PTPRM: variants seen among roughly 807,000 people sequenced by gnomAD.
The protein encoded by PTPRM is receptor-type tyrosine-protein phosphatase mu.
A neutral mutation model predicts 186.7 loss-of-function variants in PTPRM; 47 were observed. The ratio of observed to expected loss-of-function variants is 0.25; its 90% confidence interval spans 0.20 to 0.32. PTPRM has a LOEUF of 0.32. Ranked by LOEUF, PTPRM falls within the 10% of genes least tolerant of loss-of-function variation. The probability of loss-of-function intolerance (pLI) is 1.00; values close to 1 mark genes in which losing one functional copy is unlikely to be tolerated. For missense variants in PTPRM, 1,494 were observed against 1,865.0 expected (o/e 0.80, Z 3.66); for synonymous variants, 668 against 674.9 (o/e 0.99, Z 0.16).
intron 14 of PTPRM, among the ~76,000 whole-genome samples, chr18:8,212,047 A>G (rs2094013459): frequency 6.6e-6 from 1 of 152,090 alleles, no homozygotes; most frequent in Admixed American, 6.5e-5. Flanking sequence ...GGGTGAGAAG[A>G]GAGACCAGGA....
In PTPRM at chr18:7,630,195, T is replaced by C. The variant is rs564501772; in HGVS notation, c.73+62304T>C. 5.3e-5 allele frequency among the ~76,000 whole-genome samples: 8 copies of C among 152,088 alleles called. No individual in the cohort carries two copies. The East Asian group carries it at 1.5e-3, about 29-fold the overall frequency. On this transcript the variant is annotated intron_variant, in intron 1 of 32. Coordinates refer to ENST00000580170, the MANE Select transcript of PTPRM (RefSeq NM_001105244.2). ...TTGAAGCCAAAGGGGTGGATGAAATTGTCGAGGGAGCAGGAAGAGTGTTAG... is the reference window on the plus strand; with the variant it reads ...TTGAAGCCAAAGGGGTGGATGAAATCGTCGAGGGAGCAGGAAGAGTGTTAG...
At chr18:8,063,178 C>A (rs1179347030) in intron 7 of PTPRM, among the ~76,000 whole-genome samples, 2 of 151,276 alleles carry the variant, frequency 1.3e-5, no homozygotes, top group Admixed American at 1.3e-4. Context: ...TTTTTTAAGC[C>A]GGTCTGAAAA....
In PTPRM at chr18:8,314,400, T is replaced by C. The variant is rs113671128; in HGVS notation, c.2843-381T>C. On this transcript the variant is annotated intron_variant, in intron 20 of 32. Transcript: ENST00000580170. ...ACCGTGAGTTTGTAATCATCATTTG[T>C]CAAGGTGGGTGTCACAGCCTTCAAC... 6.3e-3 allele frequency among the ~76,000 whole-genome samples: 959 copies of C among 152,316 alleles called. 9 individuals are homozygous for C. The highest frequency in any genetic ancestry group is 0.022 in the African/African-American group (907 of 41,572).
At position 8,262,794 on chromosome 18, in the gene PTPRM, A is replaced by G. The variant is rs188171718; in HGVS notation, c.2754+9380A>G. ...ATTCAGTACGTATTTGACAAACAAT[A>G]CTGAATATGTGCTGAATTGATTTCT... is the stretch of plus-strand genomic sequence containing the variant. On this transcript the variant is annotated intron_variant, in intron 19 of 32. Coordinates refer to ENST00000580170, the MANE Select transcript of PTPRM (RefSeq NM_001105244.2). 2.6e-5 allele frequency among the ~76,000 whole-genome samples: 4 copies of G among 152,360 alleles called. No individual in the cohort carries two copies. In the East Asian group the frequency reaches 5.8e-4, roughly 22 times the overall value.
intron 14 of PTPRM, among the ~76,000 whole-genome samples, chr18:8,173,991 G>A (rs913321614): frequency 5.9e-5 from 9 of 151,810 alleles, no homozygotes; most frequent in African/African-American, 2.2e-4. Context: ...CTCTTGACCT[G>A]GGAAGCAGAG....
rs528060841 is a variant in PTPRM at position 8,239,587 on chromosome 18, T to C, written c.2301-4471T>C. ...TACAGTTTAGGTTTTCCTGGCTAGG[T>C]TCTGGCTCTCACAGAGGTTTCTGTT... is the stretch of plus-strand genomic sequence containing the variant. On this transcript the variant is annotated intron_variant, in intron 14 of 32. Coordinates refer to ENST00000580170, the MANE Select transcript of PTPRM (RefSeq NM_001105244.2). Among the ~76,000 whole-genome samples the C allele has an allele frequency of 2.0e-5, 3 of 152,308 alleles. No individual in the cohort carries two copies. The South Asian group carries it at 6.2e-4, about 32-fold the overall frequency.
intron 1 of PTPRM, among the ~76,000 whole-genome samples, chr18:7,628,620 CT>C (rs968561790): frequency 6.6e-6 from 1 of 152,012 alleles, no homozygotes; most frequent in South Asian, 2.1e-4. Flanking sequence ...TCATTTTCAT[CT>C]TTTTTTTACT....
At chr18:7,774,828 A>AATT (rs1193144053) in intron 2 of PTPRM, among the ~76,000 whole-genome samples, 1 of 152,200 alleles carries the variant, frequency 6.6e-6, no homozygotes. Flanking sequence ...CACCAAAAAG[A>AATT]ATTTTACTTC....
chr18:8,302,173 A>C (rs2095165552), intron 20 of PTPRM, among the ~76,000 whole-genome samples: 1 of 152,210 alleles, frequency 6.6e-6, no homozygotes, highest in Non-Finnish European at 1.5e-5. Flanking sequence ...ACATGGTACC[A>C]TGAGAACTCA....
intron 19 of PTPRM, among the ~76,000 whole-genome samples, chr18:8,268,462 T>C (rs949060385): frequency 2.6e-5 from 4 of 152,156 alleles, no homozygotes; most frequent in Non-Finnish European, 4.4e-5. Flanking sequence ...GAAAAGTTCA[T>C]GTCCAGATGG....
intron 14 of PTPRM, among the ~76,000 whole-genome samples, chr18:8,197,647 G>C (rs1405752627): frequency 6.6e-6 from 1 of 152,126 alleles, no homozygotes; most frequent in East Asian, 1.9e-4. Context: ...GGATTAATCA[G>C]GCCACATGCT....
chr18:7,706,407 G>T (rs1305207810), intron 1 of PTPRM, among the ~76,000 whole-genome samples: 1 of 151,648 alleles, frequency 6.6e-6, no homozygotes, highest in Admixed American at 6.6e-5. Context: ...CACCAGCCTG[G>T]ACAGCATAGG....
At chr18:7,696,878 T>G (rs2144681306) in intron 1 of PTPRM, among the ~76,000 whole-genome samples, 1 of 152,310 alleles carries the variant, frequency 6.6e-6, no homozygotes, top group Non-Finnish European at 1.5e-5. Flanking sequence ...TATTGCTGGG[T>G]TTTTGTTTAT....
At chr18:8,027,568 A>T (rs1272105921) in intron 7 of PTPRM, among the ~76,000 whole-genome samples, 1 of 152,230 alleles carries the variant, frequency 6.6e-6, no homozygotes. Context: ...AGCCAAATAC[A>T]TATGTGTATA....
At chr18:7,602,580 A>G (rs28375830) in intron 1 of PTPRM, among the ~76,000 whole-genome samples, 14,566 of 151,976 alleles carry the variant, frequency 0.096, 1,157 homozygotes, top group African/African-American at 0.22. Context: ...GGCACATGCC[A>G]TCTTGCCTGG....
chr18:8,372,641 G>A (rs1265578718), intron 24 of PTPRM, among the ~76,000 whole-genome samples: 1 of 151,652 alleles, frequency 6.6e-6, no homozygotes, highest in Admixed American at 6.6e-5. Flanking sequence ...TTCAAAGAAT[G>A]AGGAGTTCTG....
intron 1 of PTPRM, among the ~76,000 whole-genome samples, chr18:7,677,537 T>C (rs754362050): frequency 6.6e-6 from 1 of 152,196 alleles, no homozygotes; most frequent in Non-Finnish European, 1.5e-5. Flanking sequence ...CTTCTCTGGT[T>C]GATGAATGTC....
chr18:8,133,878 T>A (rs1430778500), intron 13 of PTPRM, among the ~76,000 whole-genome samples: 1 of 152,168 alleles, frequency 6.6e-6, no homozygotes, highest in Non-Finnish European at 1.5e-5. Flanking sequence ...GGCTGCACTA[T>A]GTCAAAGACA....
At chr18:8,405,034 G>A (rs1483989844) in intron 32 of PTPRM, 2 of 152,082 alleles carry the variant, frequency 1.3e-5, no homozygotes, top group South Asian at 2.1e-4. Context: ...GTGGTGACTC[G>A]TGCCTATAAT....
Sources: gnomAD v4.1 joint callset for allele counts (sites outside exome capture counted in the v4.1 genomes callset) on GRCh38, gnomAD v4.1.1 for gene constraint, MANE v1.5 for transcripts, NCBI Gene and HGNC (gene_info 2026-07-23, HGNC 2026-07-21) for gene names.